CACNA1D: variants seen among roughly 807,000 people sequenced by gnomAD.
CACNA1D encodes calcium voltage-gated channel subunit alpha1 D, also known as voltage-dependent L-type calcium channel subunit alpha-1D.
A neutral mutation model predicts 257.1 loss-of-function variants in CACNA1D; 55 were observed. The ratio of observed to expected loss-of-function variants is 0.21; its 90% CI spans 0.17 to 0.27. CACNA1D has a LOEUF of 0.27. CACNA1D is among the 10% of genes least tolerant of loss of function. The pLI is 1.00. For synonymous variants in CACNA1D, 980 were observed against 1,014.9 expected (o/e 0.97, Z 0.65); for missense variants, 1,876 against 2,784.0 (o/e 0.67, Z 7.34).
chr3:53,776,793 T>G, intron 36 of CACNA1D, 63 bp downstream of exon 36: 1 of 1,613,756 alleles, frequency 6.2e-7, no homozygotes, highest in South Asian at 1.1e-5. Flanking sequence ...GCTTTTTTTG[T>G]GGAGTGGACT....
intron 3 of CACNA1D, among the ~76,000 whole-genome samples, chr3:53,549,738 T>C (rs1159095199): frequency 6.6e-6 from 1 of 152,206 alleles, no homozygotes; most frequent in Admixed American, 6.5e-5. Flanking sequence ...ATTAAAATTT[T>C]TTTCCTTCAT....
At chr3:53,575,189 G>A (rs957335260) in intron 3 of CACNA1D, among the ~76,000 whole-genome samples, 2 of 152,220 alleles carry the variant, frequency 1.3e-5, no homozygotes, top group South Asian at 4.1e-4. Flanking sequence ...CCTGCATGAT[G>A]TTGCGAGCGT....
chr3:53,802,169 A>G lies in CACNA1D; in HGVS notation c.5431A>G (p.Ile1811Val). 1.2e-6 allele frequency: 2 copies of G among 1,606,884 alleles called. No homozygotes were observed. Among genetic ancestry groups the G allele is most frequent in the Non-Finnish European group, 8.5e-7 (1 of 1,173,398 alleles). ...VKRTRYYETYIRSDSGDEQLP... is the reference protein window; with the variant it reads ...VKRTRYYETYVRSDSGDEQLP... ...TAGAACCCGCTATTATGAAACTTAC[A>G]TTAGGTATGTGCTCATTACCTGTTT... Residue 1811 changes from isoleucine (I) to valine (V), a missense_variant, in exon 43 of 48, where the codon ATT becomes GTT. Physicochemically the swap from Ile to Val is conservative, Grantham distance 29. Coordinates refer to ENST00000350061, the MANE Select transcript of CACNA1D (RefSeq NM_001128840.3).
At chr3:53,790,884 C>T (rs1225864041) in intron 40 of CACNA1D, 3 of 681,554 alleles carry the variant, frequency 4.4e-6, no homozygotes, top group Non-Finnish European at 8.0e-6. Flanking sequence ...TACCTGAAGC[C>T]ATCAAAAGCC....
chr3:53,717,012 A>G (rs895528535), intron 9 of CACNA1D, among the ~76,000 whole-genome samples: 1 of 152,168 alleles, frequency 6.6e-6, no homozygotes, highest in Non-Finnish European at 1.5e-5. Context: ...GGGCCTCAGA[A>G]TCTTCGCCAT....
intron 15 of CACNA1D, among the ~76,000 whole-genome samples, chr3:53,729,146 A>G (rs559659755): frequency 2.0e-4 from 30 of 152,298 alleles, no homozygotes; most frequent in African/African-American, 7.2e-4. Flanking sequence ...CATGTTACCA[A>G]GCCATCTCCA....
intron 4 of CACNA1D, among the ~76,000 whole-genome samples, chr3:53,659,049 C>A (rs140312466): frequency 7.2e-4 from 109 of 152,324 alleles, no homozygotes; most frequent in African/African-American, 2.5e-3. Flanking sequence ...ACTTTGGACA[C>A]CTTTTCTTTG....
chr3:53,756,389 A>G (rs1201105532), intron 29 of CACNA1D, among the ~76,000 whole-genome samples: 1 of 152,208 alleles, frequency 6.6e-6, no homozygotes, highest in African/African-American at 2.4e-5. Context: ...GAAAACTCCG[A>G]GCTGGAAGCC....
At chr3:53,761,909 G>A (rs1453120119) in intron 29 of CACNA1D, 89 bp from the exon 30 acceptor site, 28 of 907,642 alleles carry the variant, frequency 3.1e-5, no homozygotes, top group South Asian at 9.2e-5. Context: ...CCATGGGTGC[G>A]GCAGGGACTC....
intron 46 of CACNA1D, chr3:53,809,329 C>A (rs1023778051): frequency 3.6e-5 from 6 of 168,292 alleles, no homozygotes; most frequent in African/African-American, 1.4e-4. Context: ...GGCTTTCCCT[C>A]AAGGATAACA....
Position 53,811,243 on chromosome 3 carries a change from A to G in CACNA1D, c.6323A>G (p.Asn2108Ser). The change falls in exon 48 of 48, where the codon AAT becomes AGT. Residue 2108 changes from asparagine (N) to serine (S), a missense_variant. By Grantham distance (46) the Asn-to-Ser change is conservative. This residue lies in a region of CACNA1D where 491 missense variants were observed against 554.3 expected (regional missense o/e 0.89). Coordinates refer to ENST00000350061, the MANE Select transcript of CACNA1D (RefSeq NM_001128840.3). The surrounding 1 kb of genome is among the most constrained non-coding windows in gnomAD (Gnocchi z 4.2). Reference protein sequence around the residue: ...EMESAASTLLNGNVRPRANGD... With the variant: ...EMESAASTLLSGNVRPRANGD... ...GAGAGTGCAGCCAGCACCCTGCTTAATGGGAACGTGCGTCCCCGAGCCAAC... is the reference window on the plus strand; with the variant it reads ...GAGAGTGCAGCCAGCACCCTGCTTAGTGGGAACGTGCGTCCCCGAGCCAAC... 1 of 1,614,044 alleles carries G rather than the reference A, an allele frequency of 6.2e-7. No individual in the cohort carries two copies. Among genetic ancestry groups the G allele is most frequent in the Non-Finnish European group, 8.5e-7 (1 of 1,180,024 alleles).
intron 45 of CACNA1D, among the ~76,000 whole-genome samples, chr3:53,805,585 C>G (rs1490725483): frequency 6.6e-6 from 1 of 152,134 alleles, no homozygotes; most frequent in Non-Finnish European, 1.5e-5. Context: ...GGCTGTGCCG[C>G]AGGCCTGTCT....
chr3:53,810,854 A>G (rs954444740), intron 47 of CACNA1D, among the ~76,000 whole-genome samples: 2 of 150,494 alleles, frequency 1.3e-5, no homozygotes, highest in African/African-American at 2.5e-5. Context: ...CTGTTCCGGC[A>G]TATGTTTCTA....
In CACNA1D at chr3:53,522,135, G is replaced by GA. The variant is rs748924919; in HGVS notation, c.483+20423dup. On this transcript the variant is annotated intron_variant, in intron 3 of 47. Coordinates refer to ENST00000350061, the MANE Select transcript of CACNA1D (RefSeq NM_001128840.3). Reference sequence around the variant, plus strand: ...TGAGTGACAGAGCGAGAAGCTGGGGGAAAAAAAACCACATTTCCATTGTTC... The same window carrying GA: ...TGAGTGACAGAGCGAGAAGCTGGGGGAAAAAAAAACCACATTTCCATTGTTC... Among the ~76,000 whole-genome samples the GA allele has an allele frequency of 1.4e-4, 21 of 151,820 alleles. No homozygotes were observed. In the East Asian group the frequency reaches 1.9e-3, roughly 14 times the overall value.
In CACNA1D at chr3:53,774,558, C is replaced by T. The variant is rs757846772; in HGVS notation, c.4111-29C>T. The T allele has an allele frequency of 2.2e-6, 3 of 1,333,684 alleles. No individual in the cohort carries two copies. The highest frequency in any genetic ancestry group is 3.4e-5 in the Admixed American group (2 of 59,692). 82.6% of individuals were successfully genotyped at this position (1,333,684 alleles called of 1,614,324 possible). A position where few individuals can be genotyped will look rare whatever the true frequency, so the allele number is the denominator to read the frequency against. On this transcript the variant is annotated intron_variant, in intron 33 of 47. Coordinates refer to ENST00000350061, the MANE Select transcript of CACNA1D (RefSeq NM_001128840.3). The surrounding 1 kb of genome is among the most constrained non-coding windows in gnomAD (Gnocchi z 4.3). ...TTTTTTTTGCATGACGAAATCTATT[C>T]TCTTTTTCCTGACAACTTCTCCACC... is the stretch of plus-strand genomic sequence containing the variant.
rs1237272293 is a variant in CACNA1D, at chr3:53,812,550, A to ACTGT, written c.*1147_*1150dup. 1 of 149,186 alleles carries ACTGT rather than the reference A, an allele frequency of 6.7e-6. No homozygotes were observed. Among genetic ancestry groups the ACTGT allele is most frequent in the African/African-American group, 2.5e-5 (1 of 39,382 alleles). 9.2% of individuals were successfully genotyped at this position (149,186 alleles called of 1,614,324 possible). On this transcript the variant is annotated 3_prime_UTR_variant, in exon 48 of 48. Transcript: ENST00000350061. The stretch of plus-strand genomic sequence containing the variant: ...ACCTTTGGATCCACCATGGGTTGCA[A>ACTGT]CTGTCTTTGGTTTTGTTTGTTTGAC...
At chr3:53,770,105 C>A in intron 31 of CACNA1D, 88 bp downstream of exon 31, 1 of 1,092,074 alleles carries the variant, frequency 9.2e-7, no homozygotes, top group Non-Finnish European at 1.4e-6. Flanking sequence ...TTTCTGTATT[C>A]TCCATGATTG....
Position 53,730,502 on chromosome 3 carries a change from T to A in CACNA1D, c.2282T>A (p.Leu761Gln). The change falls in exon 16 of 48, where the codon CTG becomes CAG. Residue 761 changes from leucine (L) to glutamine (Q), a missense_variant. By Grantham distance (113) the Leu-to-Gln change is moderately radical (BLOSUM62 -2). Transcript: ENST00000350061. ...GACAATTTGGCTGATGCTGAAAGTC[T>A]GAACACTGCTCAGAAAGAAGAAGCG... ...AVDNLADAES[L>Q]NTAQKEEAEE... 6.2e-7 allele frequency: 1 copy of A among 1,614,196 alleles called. No homozygotes were observed. The highest frequency in any genetic ancestry group is 8.5e-7 in the Non-Finnish European group (1 of 1,179,974).
At chr3:53,576,054 G>C (rs1006884144) in intron 3 of CACNA1D, among the ~76,000 whole-genome samples, 3 of 152,278 alleles carry the variant, frequency 2.0e-5, no homozygotes, top group Admixed American at 6.5e-5. Context: ...GTTGATGCTT[G>C]AGAAAGCTAC....
Sources: gnomAD v4.1 joint callset for allele counts (sites outside exome capture counted in the v4.1 genomes callset) on GRCh38, gnomAD v4.1.1 for gene constraint, gnomAD v4.1.1 regional missense constraint, Gnocchi (gnomAD v3.1) non-coding constraint, MANE v1.5 for transcripts, NCBI Gene and HGNC (gene_info 2026-07-23, HGNC 2026-07-21) for gene names.